GPC6: variants seen among roughly 807,000 people sequenced by gnomAD.
GPC6 encodes glypican 6, also known as glypican-6.
In GPC6, 14 loss-of-function variants were observed where a neutral mutation model predicts 55.2. The ratio of observed to expected loss-of-function variants is 0.25; its 90% confidence interval spans 0.17 to 0.40. The LOEUF is 0.40. Ranked by LOEUF, GPC6 falls within the 10% of genes least tolerant of loss-of-function variation. The pLI is 1.00. For synonymous variants in GPC6, 278 were observed against 259.6 expected (o/e 1.07, Z -0.68); for missense variants, 641 against 708.5 (o/e 0.90, Z 1.08).
chr13:93,268,903 G>C (rs578242725), intron 1 of GPC6, among the ~76,000 whole-genome samples: 3 of 151,952 alleles, frequency 2.0e-5, no homozygotes, highest in Non-Finnish European at 2.9e-5. Context: ...TGCATTCTTC[G>C]AATTTAGCTC....
At chr13:93,766,512 A>T (rs960881083) in intron 2 of GPC6, among the ~76,000 whole-genome samples, 5 of 152,128 alleles carry the variant, frequency 3.3e-5, no homozygotes, top group Non-Finnish European at 7.4e-5. Context: ...ATTTTATAAA[A>T]GGTAAATAAA....
chr13:93,293,549 T>A (rs1380037747), intron 1 of GPC6, among the ~76,000 whole-genome samples: 1 of 152,186 alleles, frequency 6.6e-6, no homozygotes, highest in Non-Finnish European at 1.5e-5. Context: ...ATTTCTAATA[T>A]TCATTTTTTA....
chr13:93,722,946 C>G (rs1883501581), intron 2 of GPC6, among the ~76,000 whole-genome samples: 1 of 151,848 alleles, frequency 6.6e-6, no homozygotes, highest in Non-Finnish European at 1.5e-5. Flanking sequence ...ACTTGAGACC[C>G]CCATGACCTC....
chr13:93,656,234 C>A lies in GPC6; in HGVS notation c.319+110813C>A, dbSNP rs149396660. Among the ~76,000 whole-genome samples, 193 of 152,084 alleles carry A rather than the reference C, an allele frequency of 1.3e-3. 1 individual carries two copies. The highest frequency in any genetic ancestry group is 4.5e-3 in the African/African-American group (185 of 41,518). ...AAAGAAACATATTGGATAATGTAAA[C>A]GGTGTCAGCAAGTAAATCAAGACAA... On this transcript the variant is annotated intron_variant, in intron 2 of 8. Coordinates refer to ENST00000377047, the MANE Select transcript of GPC6 (RefSeq NM_005708.5).
chr13:93,986,433 A>G (rs1438191390), intron 3 of GPC6, among the ~76,000 whole-genome samples: 5 of 152,224 alleles, frequency 3.3e-5, no homozygotes, highest in South Asian at 2.1e-4. Flanking sequence ...AGCAGGGTCA[A>G]TGCAACCCTT....
At chr13:94,280,771 G>A (rs1269911121) in intron 4 of GPC6, among the ~76,000 whole-genome samples, 4 of 152,080 alleles carry the variant, frequency 2.6e-5, no homozygotes, top group Non-Finnish European at 4.4e-5. Context: ...AAGAGTAGGT[G>A]AGCATTGCTT....
At chr13:93,371,550 T>C (rs779384971) in intron 1 of GPC6, among the ~76,000 whole-genome samples, 1 of 152,124 alleles carries the variant, frequency 6.6e-6, no homozygotes, top group Non-Finnish European at 1.5e-5. Context: ...ATTTATTCCT[T>C]TAACACATGT....
chr13:93,838,317 C>G (rs549419481), intron 3 of GPC6, among the ~76,000 whole-genome samples: 2 of 152,058 alleles, frequency 1.3e-5, no homozygotes, highest in Non-Finnish European at 2.9e-5. Context: ...TTCCCTTTAC[C>G]TTGGGAAACG....
Position 93,418,660 on chromosome 13 carries a change from G to A in GPC6, c.161-126603G>A, listed in dbSNP as rs563266641. The stretch of plus-strand genomic sequence containing the variant: ...ACCGTAGTATCATTTTATTAATAGC[G>A]CTATACCGTAGTATTTTATTAATAG... On this transcript the variant is annotated intron_variant, in intron 1 of 8. Transcript: ENST00000377047. 9.7e-4 allele frequency among the ~76,000 whole-genome samples: 143 copies of A among 147,446 alleles called. 1 individual carries two copies. Among genetic ancestry groups the A allele is most frequent in the Non-Finnish European group, 1.8e-3 (122 of 66,872 alleles).
intron 6 of GPC6, among the ~76,000 whole-genome samples, chr13:94,374,020 A>AT (rs1170190467): frequency 6.6e-6 from 1 of 152,134 alleles, no homozygotes; most frequent in Non-Finnish European, 1.5e-5. Flanking sequence ...ATGCTGAGAG[A>AT]TTTTGTCACC....
intron 3 of GPC6, among the ~76,000 whole-genome samples, chr13:93,884,818 C>T (rs1414083997): frequency 2.0e-5 from 3 of 152,090 alleles, no homozygotes; most frequent in Admixed American, 6.6e-5. Flanking sequence ...CCTTCAAAAA[C>T]GGCTGCATTT....
chr13:93,470,630 G>T (rs1879076616), intron 1 of GPC6, among the ~76,000 whole-genome samples: 1 of 151,942 alleles, frequency 6.6e-6, no homozygotes, highest in African/African-American at 2.4e-5. Context: ...CTCTGGACTT[G>T]ATATCATGGT....
At chr13:94,341,267 G>C (rs1328313361) in intron 6 of GPC6, among the ~76,000 whole-genome samples, 1 of 152,082 alleles carries the variant, frequency 6.6e-6, no homozygotes, top group East Asian at 1.9e-4. Context: ...GTTCCCTAAT[G>C]ATGCAGTAAA....
At chr13:93,383,818 CTATT>C (rs1875284142) in intron 1 of GPC6, among the ~76,000 whole-genome samples, 1 of 151,886 alleles carries the variant, frequency 6.6e-6, no homozygotes, top group African/African-American at 2.4e-5. Flanking sequence ...ATATGGAAGT[CTATT>C]TAATTGTGCT....
intron 3 of GPC6, among the ~76,000 whole-genome samples, chr13:93,875,215 A>G (rs1889253655): frequency 6.6e-6 from 1 of 151,884 alleles, no homozygotes. Flanking sequence ...GTTTCCCAAG[A>G]CTACTCTGCA....
chr13:93,323,635 G>T (rs1223574949), intron 1 of GPC6, among the ~76,000 whole-genome samples: 2 of 152,114 alleles, frequency 1.3e-5, no homozygotes, highest in African/African-American at 4.8e-5. Flanking sequence ...TTATATAATT[G>T]TTAATTCAGT....
intron 4 of GPC6, among the ~76,000 whole-genome samples, chr13:94,194,050 G>A (rs1889484806): frequency 6.6e-6 from 1 of 152,132 alleles, no homozygotes; most frequent in South Asian, 2.1e-4. Context: ...GAAATTTAGG[G>A]TAAACAGGCA....
At position 93,441,336 on chromosome 13, in the gene GPC6, C is replaced by T. The variant is rs113805037; in HGVS notation, c.161-103927C>T. 8.5e-3 allele frequency among the ~76,000 whole-genome samples: 1,289 copies of T among 152,230 alleles called. 15 individuals carry two copies. The highest frequency in any genetic ancestry group is 0.012 in the Non-Finnish European group (797 of 68,010). On this transcript the variant is annotated intron_variant, in intron 1 of 8. Coordinates refer to ENST00000377047, the MANE Select transcript of GPC6 (RefSeq NM_005708.5). ...ACAGTGTAGAAGTGTTCCTATTTTT[C>T]CACATCCTCTCCAGTACCCATTGTT...
chr13:93,409,848 T>C (rs2139243183), intron 1 of GPC6, among the ~76,000 whole-genome samples: 1 of 152,288 alleles, frequency 6.6e-6, no homozygotes, highest in East Asian at 1.9e-4. Context: ...TTGACATTAA[T>C]TGAAATAAAT....
Sources: allele counts gnomAD v4.1 joint callset (sites outside exome capture counted in the v4.1 genomes callset), GRCh38; gene constraint gnomAD v4.1.1; transcripts MANE v1.5; gene names NCBI Gene and HGNC (gene_info 2026-07-23, HGNC 2026-07-21).